The following GNAL variants were observed in gnomAD, a reference collection of about 807,000 sequenced individuals.
The protein encoded by GNAL is G protein subunit alpha L.
In GNAL, 18 loss-of-function variants were observed where a neutral mutation model predicts 55.1. The ratio of observed to expected loss-of-function variants is 0.33; its 90% CI spans 0.23 to 0.48. GNAL has a LOEUF of 0.48. Among genes scored for constraint, GNAL ranks in the 20% least tolerant of loss-of-function variants. The probability of loss-of-function intolerance (pLI) is 0.99; values close to 1 mark genes in which losing one functional copy is unlikely to be tolerated. For missense variants in GNAL, 412 were observed against 614.1 expected (o/e 0.67, Z 3.48); for synonymous variants, 253 against 237.0 (o/e 1.07, Z -0.62).
intron 1 of GNAL, among the ~76,000 whole-genome samples, chr18:11,725,506 TATCATCCTTTTGGCTTTTCCAG>T (rs1002500623): frequency 1.3e-5 from 2 of 152,088 alleles, no homozygotes; most frequent in East Asian, 3.8e-4. Flanking sequence ...TAAACGAATA[TATCATCCTTTTGGCTTTTCCAG>T]AATGTTGTAT....
At chr18:11,747,054 A>T (rs562229965) in intron 1 of GNAL, 21 of 455,050 alleles carry the variant, frequency 4.6e-5, no homozygotes, top group South Asian at 1.2e-4. Context: ...GTATATTTTC[A>T]TGAGGCCGAG....
chr18:11,864,227 C>T (rs1355782728), intron 6 of GNAL, among the ~76,000 whole-genome samples: 1 of 151,888 alleles, frequency 6.6e-6, no homozygotes, highest in Non-Finnish European at 1.5e-5. Flanking sequence ...GCTGGGATTA[C>T]AGCTGCCTGT....
In GNAL at chr18:11,690,471, T is replaced by A. The variant is rs868701474; in HGVS notation, c.376+532T>A. Among the ~76,000 whole-genome samples, 17 of 152,086 alleles carry A rather than the reference T, an allele frequency of 1.1e-4. 1 individual carries two copies. Among genetic ancestry groups the A allele is most frequent in the Middle Eastern group, 3.4e-3 (1 of 294 alleles). ...TTGAGCTGCACTTGCATTTTTTTTTTATTATACTTTAAGTTTTAGGGTACA... is the reference window on the plus strand; with the variant it reads ...TTGAGCTGCACTTGCATTTTTTTTTAATTATACTTTAAGTTTTAGGGTACA... On this transcript the variant is annotated intron_variant, in intron 1 of 11. Transcript: ENST00000334049.
chr18:11,851,369 A>G (rs1270586512), intron 5 of GNAL: 3 of 1,103,004 alleles, frequency 2.7e-6, no homozygotes, highest in Admixed American at 3.3e-5. Context: ...CTGGGCTCTG[A>G]CGTCACCACC....
chr18:11,867,131 TC>T (rs2036281386), intron 7 of GNAL, 36 bp from the exon 8 acceptor site: 1 of 1,531,728 alleles, frequency 6.5e-7, no homozygotes, highest in South Asian at 1.1e-5. Flanking sequence ...GTCCCCTGCT[TC>T]CCCCAAATAA....
chr18:11,822,422 T>G (rs2035122684), intron 4 of GNAL, among the ~76,000 whole-genome samples: 1 of 152,092 alleles, frequency 6.6e-6, no homozygotes, highest in Admixed American at 6.5e-5. Context: ...TTGGGCAACA[T>G]GGTAAAACCC....
rs1406504790 is a variant in GNAL, at chr18:11,885,093, A to G, written c.*3958A>G. 1 of 1,239,242 alleles carries G rather than the reference A, an allele frequency of 8.1e-7. No individual in the cohort carries two copies. The highest frequency in any genetic ancestry group is 1.0e-6 in the Non-Finnish European group (1 of 957,818). The allele number at this position is 1,239,242 out of a possible 1,614,324, so 76.8% of individuals were successfully genotyped here. On this transcript the variant is annotated 3_prime_UTR_variant, in exon 12 of 12. Coordinates refer to ENST00000334049, the MANE Select transcript of GNAL (RefSeq NM_182978.4). ...TCTCCATGGGCTTTTCTTTGCAGATACTTTTATGTGGAACAACAGTGGCAA... is the reference window on the plus strand; with the variant it reads ...TCTCCATGGGCTTTTCTTTGCAGATGCTTTTATGTGGAACAACAGTGGCAA...
intron 4 of GNAL, among the ~76,000 whole-genome samples, chr18:11,763,507 G>A (rs891047932): frequency 4.0e-5 from 6 of 151,896 alleles, no homozygotes; most frequent in African/African-American, 1.2e-4. Flanking sequence ...CCAAGTAGCT[G>A]GGACTACAGG....
intron 7 of GNAL, among the ~76,000 whole-genome samples, chr18:11,865,587 CAAAAAAA>C (rs61456751): frequency 8.1e-6 from 1 of 123,134 alleles, no homozygotes; most frequent in East Asian, 2.3e-4. Context: ...CTGTCTCTAC[CAAAAAAA>C]AAAAAAAAAA....
At chr18:11,738,834 G>A (rs2032513138) in intron 1 of GNAL, among the ~76,000 whole-genome samples, 1 of 152,180 alleles carries the variant, frequency 6.6e-6, no homozygotes, top group Non-Finnish European at 1.5e-5. Context: ...TGTAGTATGA[G>A]TCCGTGCAGA....
At chr18:11,706,943 T>G (rs2031727705) in intron 1 of GNAL, among the ~76,000 whole-genome samples, 1 of 152,258 alleles carries the variant, frequency 6.6e-6, no homozygotes, top group Non-Finnish European at 1.5e-5. Context: ...GTTGCTATTT[T>G]GACCTCCTCC....
intron 1 of GNAL, among the ~76,000 whole-genome samples, chr18:11,692,973 T>G (rs1425499998): frequency 6.6e-6 from 1 of 152,052 alleles, no homozygotes; most frequent in East Asian, 1.9e-4. Context: ...GGAAATTACT[T>G]CAGCCAAAAT....
chr18:11,825,065 C>T (rs1224158216), intron 5 of GNAL, 50 bp downstream of exon 5: 2 of 906,900 alleles, frequency 2.2e-6, no homozygotes, highest in Non-Finnish European at 3.6e-6. Context: ...AATATGATTG[C>T]ATGCATGATT....
At chr18:11,848,980 G>GT (rs1400707326) in intron 5 of GNAL, among the ~76,000 whole-genome samples, 2 of 152,182 alleles carry the variant, frequency 1.3e-5, no homozygotes, top group African/African-American at 4.8e-5. Context: ...GTTCAGGCAA[G>GT]TTTCTTAGCT....
chr18:11,831,651 G>T (rs1027593152), intron 5 of GNAL, among the ~76,000 whole-genome samples: 6 of 152,214 alleles, frequency 3.9e-5, no homozygotes, highest in Non-Finnish European at 8.8e-5. Context: ...TTTCAACTTT[G>T]CCATCCCTGT....
intron 4 of GNAL, among the ~76,000 whole-genome samples, chr18:11,793,300 G>A (rs755950918): frequency 1.7e-4 from 26 of 152,238 alleles, no homozygotes; most frequent in Non-Finnish European, 3.1e-4. Context: ...TTTTGCTTGG[G>A]TGCAGTGGCT....
chr18:11,811,878 T>C (rs1364924153), intron 4 of GNAL, among the ~76,000 whole-genome samples: 2 of 152,218 alleles, frequency 1.3e-5, no homozygotes, highest in African/African-American at 4.8e-5. Flanking sequence ...AGAATTTTTG[T>C]CAGATAACTT....
At chr18:11,738,645 C>T (rs1009222518) in intron 1 of GNAL, among the ~76,000 whole-genome samples, 6 of 152,132 alleles carry the variant, frequency 3.9e-5, no homozygotes, top group African/African-American at 1.4e-4. Context: ...AATAGGGTTT[C>T]ACCGTGTTGG....
chr18:11,799,045 G>A (rs553056044), intron 4 of GNAL, among the ~76,000 whole-genome samples: 28 of 151,934 alleles, frequency 1.8e-4, no homozygotes, highest in African/African-American at 5.8e-4. Flanking sequence ...CCTGGGAGGC[G>A]GAGGTTGCAA....
Sources: allele counts gnomAD v4.1 joint callset (sites outside exome capture counted in the v4.1 genomes callset), GRCh38; gene constraint gnomAD v4.1.1; transcripts MANE v1.5; gene names NCBI Gene and HGNC (gene_info 2026-07-23, HGNC 2026-07-21).